RHBDL3: variants seen among roughly 807,000 people sequenced by gnomAD.
The protein encoded by RHBDL3 is rhomboid-related protein 3.
RHBDL3 carries 28 observed loss-of-function variants against 48.2 expected under a neutral mutation model. That is an observed-to-expected ratio of 0.58 (90% CI 0.43 to 0.80). RHBDL3 has a LOEUF of 0.80. Among genes scored for constraint, RHBDL3 ranks in the 30% least tolerant of loss-of-function variants. RHBDL3 has a pLI of 0.00. For synonymous variants in RHBDL3, 208 were observed against 232.3 expected (o/e 0.90, Z 0.95); for missense variants, 464 against 542.7 (o/e 0.85, Z 1.44).
chr17:32,275,914 G>GCCCCT (rs1252746865), intron 2 of RHBDL3, among the ~76,000 whole-genome samples: 1 of 152,238 alleles, frequency 6.6e-6, no homozygotes, highest in Admixed American at 6.5e-5. Context: ...GGTCACAAGG[G>GCCCCT]CCCCTCATGC....
intron 7 of RHBDL3, among the ~76,000 whole-genome samples, chr17:32,314,744 C>G (rs182543475): frequency 7.4e-4 from 112 of 152,308 alleles, no homozygotes; most frequent in African/African-American, 2.5e-3. Flanking sequence ...GAAGAGGGGG[C>G]TGCGGTGCCC....
At chr17:32,271,811 C>T (rs2039779963) in intron 2 of RHBDL3, among the ~76,000 whole-genome samples, 1 of 152,188 alleles carries the variant, frequency 6.6e-6, no homozygotes, top group Admixed American at 6.5e-5. Context: ...TTCCTAGACC[C>T]CCAAAAGAGA....
At chr17:32,301,404 C>T (rs1182498481) in intron 6 of RHBDL3, among the ~76,000 whole-genome samples, 1 of 141,068 alleles carries the variant, frequency 7.1e-6, no homozygotes, top group East Asian at 2.1e-4. Context: ...CCCATCTCTA[C>T]CAAAAAAAAA....
At chr17:32,303,832 G>A (rs2040645057) in intron 6 of RHBDL3, among the ~76,000 whole-genome samples, 1 of 152,054 alleles carries the variant, frequency 6.6e-6, no homozygotes, top group Admixed American at 6.6e-5. Context: ...TGCTGGGCTG[G>A]GCCCAGCCTC....
Position 32,322,667 on chromosome 17 carries a change from C to T in RHBDL3, c.*1438C>T, listed in dbSNP as rs963388016. 1.3e-5 allele frequency: 2 copies of T among 152,150 alleles called. No homozygotes were observed. The highest frequency in any genetic ancestry group is 1.3e-4 in the Admixed American group (2 of 15,250). The allele number at this position is 152,150 out of a possible 1,614,324, so 9.4% of individuals were successfully genotyped here. Reference sequence around the variant, plus strand: ...CCTCAGAGGGAGGGCAGCCAGTAGCCTCGGAGGCTTGGATGCGGGAGAGAA... The same window carrying T: ...CCTCAGAGGGAGGGCAGCCAGTAGCTTCGGAGGCTTGGATGCGGGAGAGAA... On this transcript the variant is annotated 3_prime_UTR_variant, in exon 9 of 9. Transcript: ENST00000269051.
At position 32,324,329 on chromosome 17, in the gene RHBDL3, GGGGAGCT is replaced by G. The variant is rs1226871149; in HGVS notation, c.*3102_*3108del. ...AGAACCATTCTTGCCCAGAGGATTA[GGGGAGCT>G]GTTGCTCACCACACCAGGATCTTCC... On this transcript the variant is annotated 3_prime_UTR_variant, in exon 9 of 9. Coordinates refer to ENST00000269051, the MANE Select transcript of RHBDL3 (RefSeq NM_138328.3). 9.2e-5 allele frequency: 14 copies of G among 152,742 alleles called. No homozygotes were observed. The East Asian group carries it at 2.5e-3, about 27-fold the overall frequency. The allele number at this position is 152,742 out of a possible 1,614,324, so 9.5% of individuals were successfully genotyped here. A position where few individuals can be genotyped will look rare whatever the true frequency, so the allele number is the denominator to read the frequency against.
intron 2 of RHBDL3, among the ~76,000 whole-genome samples, chr17:32,272,875 T>C (rs2039805798): frequency 6.6e-6 from 1 of 152,218 alleles, no homozygotes; most frequent in Non-Finnish European, 1.5e-5. Flanking sequence ...GAGCAGGCCC[T>C]GACTGTGCAG....
chr17:32,304,575 T>C (rs560954062), intron 6 of RHBDL3, among the ~76,000 whole-genome samples: 141 of 152,304 alleles, frequency 9.3e-4, no homozygotes, highest in African/African-American at 3.2e-3. Flanking sequence ...TCTTGAGGAT[T>C]GAAGGGAAGA....
chr17:32,299,050 T>TG (rs1341175390), intron 6 of RHBDL3, among the ~76,000 whole-genome samples: 8 of 151,488 alleles, frequency 5.3e-5, no homozygotes, highest in Non-Finnish European at 7.4e-5. Flanking sequence ...CCGGCTGTTT[T>TG]TTTTTTTTTT....
intron 4 of RHBDL3, among the ~76,000 whole-genome samples, chr17:32,292,704 A>G (rs1482966766): frequency 6.7e-6 from 1 of 149,512 alleles, no homozygotes; most frequent in African/African-American, 2.5e-5. Flanking sequence ...TGGGAGGCTG[A>G]GGCAGGAGAA....
intron 3 of RHBDL3, among the ~76,000 whole-genome samples, chr17:32,287,323 C>T (rs892969787): frequency 3.9e-5 from 6 of 152,152 alleles, no homozygotes; most frequent in Admixed American, 1.3e-4. Flanking sequence ...ACAAAATAAT[C>T]TGACATCGTG....
chr17:32,283,378 G>A (rs529225463), intron 2 of RHBDL3, among the ~76,000 whole-genome samples: 91 of 138,690 alleles, frequency 6.6e-4, no homozygotes, highest in African/African-American at 2.4e-3. Flanking sequence ...CTGGAGTGCA[G>A]TGGCGTGATC....
chr17:32,297,986 T>A (rs2040492632), intron 5 of RHBDL3, 106 bp from the exon 6 acceptor site: 1 of 799,464 alleles, frequency 1.3e-6, no homozygotes, highest in Non-Finnish European at 2.2e-6. Flanking sequence ...GTGGTCTTGT[T>A]CATTGCTGGA....
intron 6 of RHBDL3, among the ~76,000 whole-genome samples, chr17:32,301,510 CAATA>C (rs893871291): frequency 1.3e-5 from 2 of 150,376 alleles, no homozygotes; most frequent in African/African-American, 4.9e-5. Flanking sequence ...ACATGTTAGG[CAATA>C]AATATTTATA....
At chr17:32,293,324 G>C (rs1057382087) in intron 4 of RHBDL3, among the ~76,000 whole-genome samples, 1 of 152,136 alleles carries the variant, frequency 6.6e-6, no homozygotes, top group Admixed American at 6.5e-5. Flanking sequence ...GCTCATGCCT[G>C]TAATCCCAGC....
chr17:32,275,848 G>A (rs376048762), intron 2 of RHBDL3, among the ~76,000 whole-genome samples: 3 of 152,190 alleles, frequency 2.0e-5, no homozygotes, highest in South Asian at 2.1e-4. Flanking sequence ...TCCCAGAATC[G>A]TGGAGGCTTC....
rs370948200 is a variant in RHBDL3 at position 32,308,761 on chromosome 17, C to T, written c.882+3320C>T. ...TAAGCAGTTCAGAGATGCGTTGGGT[C>T]GACCCATATGAAATGGCCCTTTCTG... On this transcript the variant is annotated intron_variant, in intron 7 of 8. Coordinates refer to ENST00000269051, the MANE Select transcript of RHBDL3 (RefSeq NM_138328.3). Among the ~76,000 whole-genome samples the T allele has an allele frequency of 3.3e-5, 5 of 152,248 alleles. No homozygotes were observed. The South Asian group carries it at 6.2e-4, about 19-fold the overall frequency.
chr17:32,266,288 G>A lies in RHBDL3; in HGVS notation c.99G>A (p.Ala33=), dbSNP rs763125772. ...CCGAGGCCGAGGAGCGGCTGCCCGC[G>A]GCGCCGGAGGACGTGAGTGCCCCCT... ...LEPEAEERLP[A]APEDHWKVLF... is the part of the protein sequence containing the mutation. Residue 33 remains alanine, a synonymous_variant, in exon 1 of 9, where the codon GCG becomes GCA. Coordinates refer to ENST00000269051, the MANE Select transcript of RHBDL3 (RefSeq NM_138328.3). 1,120 of 1,464,274 alleles carry A rather than the reference G, an allele frequency of 7.6e-4. 1 individual carries two copies. Among genetic ancestry groups the A allele is most frequent in the Non-Finnish European group, 9.4e-4 (1,048 of 1,113,936 alleles). The allele number at this position is 1,464,274 out of a possible 1,614,324, so 90.7% of individuals were successfully genotyped here.
chr17:32,318,708 C>T (rs961507121), intron 8 of RHBDL3, among the ~76,000 whole-genome samples: 4 of 152,038 alleles, frequency 2.6e-5, no homozygotes, highest in African/African-American at 9.7e-5. Context: ...ACAGTAAGCA[C>T]CTGGGCTTTC....
Sources: allele counts gnomAD v4.1 joint callset (sites outside exome capture counted in the v4.1 genomes callset), GRCh38; gene constraint gnomAD v4.1.1; transcripts MANE v1.5; gene names NCBI Gene and HGNC (gene_info 2026-07-23, HGNC 2026-07-21).